The following ZIC5 variants were observed in gnomAD, a reference collection of about 807,000 sequenced individuals.
ZIC5 encodes zinc finger protein ZIC 5.
ZIC5 carries 20 observed loss-of-function variants against 28.5 expected under a neutral mutation model. The ratio of observed to expected loss-of-function variants is 0.70; its 90% CI spans 0.49 to 1.02. The LOEUF (loss-of-function observed/expected upper bound fraction) is 1.02. Ranked by LOEUF, ZIC5 falls within the 50% of genes least tolerant of loss-of-function variation. The pLI, the probability that ZIC5 is intolerant of heterozygous loss-of-function variation, is 0.00. For missense variants in ZIC5, 951 were observed against 899.7 expected, an observed-to-expected ratio of 1.06 and a Z score of -0.73; for synonymous variants, 488 against 410.4, an observed-to-expected ratio of 1.19 and a Z score of -2.29.
At position 99,971,519 on chromosome 13, in the gene ZIC5, T is replaced by A. The variant is rs1398696351; in HGVS notation, c.85A>T (p.Met29Leu). ...ATAQVQPLQN[M>L]TGFPALAGPP... The stretch of plus-strand genomic sequence containing the variant: ...CCGGCCAGCGCCGGGAAGCCTGTCA[T>A]ATTCTGAAGCGGCTGGACCTGAGCC... The change falls in exon 1 of 2, where the codon ATG becomes TTG. Residue 29 changes from methionine to leucine, a missense_variant. Coordinates refer to ENST00000267294, the MANE Select transcript of ZIC5 (RefSeq NM_033132.5). 9 of 1,551,806 alleles carry A rather than the reference T, an allele frequency of 5.8e-6. No individual in the cohort carries two copies. In the South Asian group the frequency reaches 1.1e-4, roughly 18 times the overall value.
Position 99,971,036 on chromosome 13 carries a change from C to G in ZIC5, c.568G>C (p.Gly190Arg), listed in dbSNP as rs762969935. The change falls in exon 1 of 2, where the codon GGG becomes CGG. Residue 190 changes from glycine (G) to arginine (R), a missense_variant. Gly to Arg is a moderately radical substitution (Grantham distance 125). Around this residue, in one of 3 missense-constraint regions of ZIC5, gnomAD observed 784 missense variants for 660.1 expected, o/e 1.19. Transcript: ENST00000267294. ...SATAPAAAMH[G>R]APLGGEQRSG... ...CGCTGCTCCCCTCCGAGCGGGGCCC[C>G]GTGCATGGCCGCCGCGGGGGCCGTG... is the stretch of plus-strand genomic sequence containing the variant. The G allele has an allele frequency of 1.1e-5, 16 of 1,419,382 alleles. No homozygotes were observed. Among genetic ancestry groups the G allele is most frequent in the Admixed American group, 3.6e-5 (1 of 27,972 alleles). 87.9% of individuals were successfully genotyped at this position (1,419,382 alleles called of 1,614,324 possible).
At chr13:99,968,604 C>T (rs948268574) in intron 1 of ZIC5, among the ~76,000 whole-genome samples, 1 of 152,094 alleles carries the variant, frequency 6.6e-6, no homozygotes, top group Non-Finnish European at 1.5e-5. Flanking sequence ...GGGAAGGGCC[C>T]TAGGCCGCGC....
At chr13:99,966,409 A>G (rs1183264317) in intron 1 of ZIC5, among the ~76,000 whole-genome samples, 2 of 152,176 alleles carry the variant, frequency 1.3e-5, no homozygotes, top group Non-Finnish European at 2.9e-5. Context: ...TGGGAAAGGG[A>G]AAGAGGTAAA....
Position 99,970,241 on chromosome 13 carries a change from T to A in ZIC5, c.1363A>T (p.Ile455Phe), listed in dbSNP as rs1361193291. 1 of 1,613,438 alleles carries A rather than the reference T, an allele frequency of 6.2e-7. No homozygotes were observed. Among genetic ancestry groups the A allele is most frequent in the East Asian group, 2.2e-5 (1 of 44,796 alleles). The change falls in exon 1 of 2, where the codon ATC becomes TTC. Residue 455 changes from isoleucine to phenylalanine, a missense_variant. Transcript: ENST00000267294. ...CCGGTGTGCACGCGGATGTGGTTGA[T>A]GAGCTTGTATTTGGCCTTGAAGGGC... ...GKPFKAKYKL[I>F]NHIRVHTGEK... is the part of the protein sequence containing the mutation.
intron 1 of ZIC5, among the ~76,000 whole-genome samples, chr13:99,969,538 C>T (rs1468886060): frequency 6.6e-6 from 1 of 151,796 alleles, no homozygotes; most frequent in East Asian, 1.9e-4. Context: ...GAGTGGTCTC[C>T]GGGGTTCCGA....
chr13:99,963,543 A>G lies in ZIC5; in HGVS notation c.*1834T>C, dbSNP rs2053072808. 1 of 152,544 alleles carries G rather than the reference A, an allele frequency of 6.6e-6. No individual in the cohort carries two copies. Among genetic ancestry groups the G allele is most frequent in the Non-Finnish European group, 1.5e-5 (1 of 68,016 alleles). The allele number at this position is 152,544 out of a possible 1,614,324, so 9.4% of individuals were successfully genotyped here. On this transcript the variant is annotated 3_prime_UTR_variant, in exon 2 of 2. Coordinates refer to ENST00000267294, the MANE Select transcript of ZIC5 (RefSeq NM_033132.5). Reference sequence around the variant, plus strand: ...ATGCACTGTACTAGTAATATAATATATCTATAAACTATATATAATCTTATC... The same window carrying G: ...ATGCACTGTACTAGTAATATAATATGTCTATAAACTATATATAATCTTATC...
rs746677608 is a variant in ZIC5, at chr13:99,970,563, G to T, written c.1041C>A (p.His347Gln). The T allele has an allele frequency of 9.6e-7, 1 of 1,044,706 alleles. No homozygotes were observed. The highest frequency in any genetic ancestry group is 1.2e-6 in the Non-Finnish European group (1 of 869,428). The allele number at this position is 1,044,706 out of a possible 1,614,324, so 64.7% of individuals were successfully genotyped here. Residue 347 changes from histidine (H) to glutamine (Q), a missense_variant, in exon 1 of 2, where the codon CAC becomes CAA. Physicochemically the swap from His to Gln is conservative, Grantham distance 24. This residue lies in a region of ZIC5 where 784 missense variants were observed against 660.1 expected (regional missense o/e 1.19). Transcript: ENST00000267294. Reference protein sequence around the residue: ...PPPPAPAQHPHQHHPHLPGAA... With the variant: ...PPPPAPAQHPQQHHPHLPGAA... ...CCCCTGGGAGGTGGGGGTGGTGCTGGTGCGGGTGCTGCGCGGGCGCCGGCG... is the reference window on the plus strand; with the variant it reads ...CCCCTGGGAGGTGGGGGTGGTGCTGTTGCGGGTGCTGCGCGGGCGCCGGCG...
rs1282841947 is a variant in ZIC5 at position 99,970,370 on chromosome 13, C to G, written c.1234G>C (p.Gly412Arg). ...TGATTCACCAGCTCGTGCATGGTGC[C>G]GAAAGTTTTGGAGCAGGGCTTGGCG... is the stretch of plus-strand genomic sequence containing the variant. Reference protein sequence around the residue: ...GGAKPCSKTFGTMHELVNHVT... With the variant: ...GGAKPCSKTFRTMHELVNHVT... The change falls in exon 1 of 2, where the codon GGC becomes CGC. Residue 412 changes from glycine to arginine, a missense_variant. Gly to Arg is a moderately radical substitution (Grantham distance 125, BLOSUM62 -2). Coordinates refer to ENST00000267294, the MANE Select transcript of ZIC5 (RefSeq NM_033132.5). The G allele has an allele frequency of 1.5e-5, 24 of 1,570,228 alleles. No individual in the cohort carries two copies. The highest frequency in any genetic ancestry group is 1.8e-5 in the Non-Finnish European group (21 of 1,160,478).
rs35260873 is a variant in ZIC5, at chr13:99,965,021, GTATATATATA to G, written c.*346_*355del. The G allele has an allele frequency of 1.5e-5, 2 of 136,062 alleles. No individual in the cohort carries two copies. Among genetic ancestry groups the G allele is most frequent in the South Asian group, 2.4e-4 (1 of 4,228 alleles). 8.4% of individuals were successfully genotyped at this position (136,062 alleles called of 1,614,324 possible). ...TAAAAAAAATAATATATATATATAT[GTATATATATA>G]TATATATATATATTGCATCGGCAGT... On this transcript the variant is annotated 3_prime_UTR_variant, in exon 2 of 2. Coordinates refer to ENST00000267294, the MANE Select transcript of ZIC5 (RefSeq NM_033132.5).
intron 1 of ZIC5, 137 bp from the exon 2 acceptor site, chr13:99,965,956 C>G: frequency 1.0e-6 from 1 of 958,938 alleles, no homozygotes; most frequent in Non-Finnish European, 1.5e-6. Flanking sequence ...CTTCCTAATT[C>G]ACAAAAGGGA....
In ZIC5 at chr13:99,971,599, T is replaced by C; in HGVS notation, c.5A>G (p.Glu2Gly). The change falls in exon 1 of 2, where the codon GAG (glutamate) becomes GGG (glycine). Residue 2 changes from glutamate to glycine, a missense_variant. Coordinates refer to ENST00000267294, the MANE Select transcript of ZIC5 (RefSeq NM_033132.5). M[E>G]PPLSKRNPPA... ...CGGGTTCCTCTTGCTCAAAGGGGGC[T>C]CCATCAGAACTACACAATCAGGCCC... The C allele has an allele frequency of 1.3e-6, 2 of 1,556,570 alleles. No homozygotes were observed. The highest frequency in any genetic ancestry group is 1.7e-6 in the Non-Finnish European group (2 of 1,149,168).
chr13:99,967,953 A>G (rs917552341), intron 1 of ZIC5, among the ~76,000 whole-genome samples: 3 of 152,210 alleles, frequency 2.0e-5, no homozygotes, highest in African/African-American at 7.2e-5. Flanking sequence ...AGAGTTTGAG[A>G]GCCTGGAGCC....
intron 1 of ZIC5, among the ~76,000 whole-genome samples, chr13:99,967,697 G>C (rs1037275540): frequency 3.3e-5 from 5 of 152,104 alleles, no homozygotes; most frequent in African/African-American, 1.2e-4. Flanking sequence ...ACATGAAAAA[G>C]GGGAACAATT....
At chr13:99,966,218 A>T (rs1040437625) in intron 1 of ZIC5, among the ~76,000 whole-genome samples, 5 of 152,238 alleles carry the variant, frequency 3.3e-5, no homozygotes, top group Non-Finnish European at 5.9e-5. Flanking sequence ...AAATAAACAC[A>T]AAATGATACT....
At position 99,971,723 on chromosome 13, in the gene ZIC5, C is replaced by G. The variant is rs1232235880; in HGVS notation, c.-120G>C. On this transcript the variant is annotated 5_prime_UTR_variant, in exon 1 of 2. Coordinates refer to ENST00000267294, the MANE Select transcript of ZIC5 (RefSeq NM_033132.5). The stretch of plus-strand genomic sequence containing the variant: ...CTTCTTTTGTCCTGGCCTCTTAACT[C>G]TGCTTATTCCTGTTCCCACTCTATC... 2 of 1,547,258 alleles carry G rather than the reference C, an allele frequency of 1.3e-6. No homozygotes were observed. Among genetic ancestry groups the G allele is most frequent in the Non-Finnish European group, 1.7e-6 (2 of 1,144,306 alleles).
chr13:99,967,564 A>G (rs2053109365), intron 1 of ZIC5, among the ~76,000 whole-genome samples: 1 of 152,216 alleles, frequency 6.6e-6, no homozygotes, highest in Non-Finnish European at 1.5e-5. Context: ...GCGTAATTAC[A>G]TGGGTTTACT....
rs1353548371 is a variant in ZIC5, at chr13:99,971,380, G to T, written c.224C>A (p.Ala75Glu). The change falls in exon 1 of 2, where the codon GCG (alanine) becomes GAG (glutamate). Residue 75 changes from alanine (A) to glutamate (E), a missense_variant. By Grantham distance (107) the Ala-to-Glu change is moderately radical (BLOSUM62 -1). Coordinates refer to ENST00000267294, the MANE Select transcript of ZIC5 (RefSeq NM_033132.5). Reference sequence around the variant, plus strand: ...GGGAGGGCTGAGGCCCAGCGTGCTCGCCTGGGCCATGTGCTCGGGTCCGAG... The same window carrying T: ...GGGAGGGCTGAGGCCCAGCGTGCTCTCCTGGGCCATGTGCTCGGGTCCGAG... ...TPLGPEHMAQ[A>E]STLGLSPPSQ... The T allele has an allele frequency of 1.3e-6, 2 of 1,497,750 alleles. No homozygotes were observed. The highest frequency in any genetic ancestry group is 2.3e-5 in the Admixed American group (1 of 43,392). The allele number at this position is 1,497,750 out of a possible 1,614,324, so 92.8% of individuals were successfully genotyped here. A position where few individuals can be genotyped will look rare whatever the true frequency, so the allele number is the denominator to read the frequency against.
At position 99,965,006 on chromosome 13, in the gene ZIC5, A is replaced by T. The variant is rs948231099; in HGVS notation, c.*371T>A. Reference sequence around the variant, plus strand: ...TTTTTCTCCCCCTTTTAAAAAAAATAATATATATATATATGTATATATATA... The same window carrying T: ...TTTTTCTCCCCCTTTTAAAAAAAATTATATATATATATATGTATATATATA... On this transcript the variant is annotated 3_prime_UTR_variant, in exon 2 of 2. Coordinates refer to ENST00000267294, the MANE Select transcript of ZIC5 (RefSeq NM_033132.5). 3 of 131,036 alleles carry T rather than the reference A, an allele frequency of 2.3e-5. No homozygotes were observed. 8.1% of individuals were successfully genotyped at this position (131,036 alleles called of 1,614,324 possible). A position where few individuals can be genotyped will look rare whatever the true frequency, so the allele number is the denominator to read the frequency against.
At chr13:99,969,817 T>TGGC (rs1031464787) in intron 1 of ZIC5, among the ~76,000 whole-genome samples, 8 of 151,188 alleles carry the variant, frequency 5.3e-5, no homozygotes, top group East Asian at 3.9e-4. Flanking sequence ...TGCTCCGAGG[T>TGGC]GGCGGCGGCG....
Sources: gnomAD v4.1 joint callset for allele counts (sites outside exome capture counted in the v4.1 genomes callset) on GRCh38, gnomAD v4.1.1 for gene constraint, gnomAD v4.1.1 regional missense constraint, MANE v1.5 for transcripts, NCBI Gene and HGNC (gene_info 2026-07-23, HGNC 2026-07-21) for gene names.